Variants in PIGK observed in about 807,000 individuals in gnomAD.
PIGK encodes the protein GPI-anchor transamidase.
Under a neutral mutation model 50.6 loss-of-function variants are expected in PIGK, and 42 were observed. The ratio of observed to expected loss-of-function variants is 0.83; its 90% CI spans 0.65 to 1.07. The LOEUF (loss-of-function observed/expected upper bound fraction) is 1.07, where lower values mean the gene tolerates loss of function less well. PIGK is among the 50% of genes least tolerant of loss of function. The pLI, the probability that PIGK is intolerant of heterozygous loss-of-function variation, is 0.00. For missense variants in PIGK, 448 were observed against 488.7 expected, an observed-to-expected ratio of 0.92 and a Z score of 0.78; for synonymous variants, 151 against 156.0, an observed-to-expected ratio of 0.97 and a Z score of 0.24.
At position 77,089,845 on chromosome 1, in the gene PIGK, C is replaced by T. The variant is rs1653257572; in HGVS notation, c.*2529G>A. 6.6e-6 allele frequency: 1 copy of T among 152,534 alleles called. No homozygotes were observed. The highest frequency in any genetic ancestry group is 2.1e-4 in the South Asian group (1 of 4,828). 9.4% of individuals were successfully genotyped at this position (152,534 alleles called of 1,614,324 possible). A position where few individuals can be genotyped will look rare whatever the true frequency, so the allele number is the denominator to read the frequency against. On this transcript the variant is annotated 3_prime_UTR_variant, in exon 11 of 11. Transcript: ENST00000370812. ...TGATTTCTTTTTCTCACACAGGCTG[C>T]CTTTGCAGGATGGCATCATTATACC...
At chr1:77,149,129 A>G (rs1654837962) in intron 9 of PIGK, among the ~76,000 whole-genome samples, 1 of 152,240 alleles carries the variant, frequency 6.6e-6, no homozygotes, top group South Asian at 2.1e-4. Context: ...GAATTAAAAC[A>G]TACTACCAGG....
chr1:77,185,208 A>G (rs753386893), intron 3 of PIGK, among the ~76,000 whole-genome samples: 4 of 152,178 alleles, frequency 2.6e-5, no homozygotes, highest in Middle Eastern at 3.2e-3. Context: ...GGCCAGCAAT[A>G]TACCTTTACT....
At chr1:77,163,812 T>A in intron 6 of PIGK, 34 bp downstream of exon 6, 2 of 1,178,706 alleles carry the variant, frequency 1.7e-6, no homozygotes, top group Non-Finnish European at 2.5e-6. Context: ...TAGGTATGAA[T>A]ATAGCTTATG....
chr1:77,143,900 T>G (rs1350030678), intron 9 of PIGK, among the ~76,000 whole-genome samples: 1 of 152,102 alleles, frequency 6.6e-6, no homozygotes, highest in Non-Finnish European at 1.5e-5. Context: ...ATAAGTTCTC[T>G]CAATAATACT....
intron 3 of PIGK, chr1:77,195,024 G>C: frequency 1.3e-6 from 1 of 794,432 alleles, no homozygotes; most frequent in Non-Finnish European, 2.1e-6. Flanking sequence ...AGCTCCTGCA[G>C]AAGAATAACC....
chr1:77,187,544 A>C (rs1655778938), intron 3 of PIGK, among the ~76,000 whole-genome samples: 1 of 152,216 alleles, frequency 6.6e-6, no homozygotes, highest in Admixed American at 6.5e-5. Context: ...TCAACAGGCT[A>C]ATAAGGGAGT....
intron 3 of PIGK, among the ~76,000 whole-genome samples, chr1:77,188,466 C>T (rs1406011673): frequency 6.6e-6 from 1 of 152,190 alleles, no homozygotes; most frequent in Admixed American, 6.5e-5. Context: ...GATCTCAAAA[C>T]CCTGTCTCCT....
chr1:77,137,652 G>A (rs984815251), intron 9 of PIGK, among the ~76,000 whole-genome samples: 4 of 152,058 alleles, frequency 2.6e-5, no homozygotes, highest in Admixed American at 1.3e-4. Context: ...AGGCTGGAGT[G>A]CAATGGCACA....
chr1:77,187,916 G>T (rs1412481514), intron 3 of PIGK, among the ~76,000 whole-genome samples: 1 of 152,152 alleles, frequency 6.6e-6, no homozygotes, highest in Non-Finnish European at 1.5e-5. Flanking sequence ...TGTCTTTACT[G>T]CAATCTCTAA....
intron 10 of PIGK, among the ~76,000 whole-genome samples, 157 bp downstream of exon 10, chr1:77,122,118 G>A (rs547568619): frequency 6.7e-4 from 102 of 152,200 alleles, no homozygotes; most frequent in African/African-American, 2.3e-3. Context: ...GCTTTGAATG[G>A]GACTTTCAAC....
intron 3 of PIGK, among the ~76,000 whole-genome samples, chr1:77,182,881 C>T (rs1655652733): frequency 6.6e-6 from 1 of 152,112 alleles, no homozygotes; most frequent in African/African-American, 2.4e-5. Context: ...ATACATAATA[C>T]CTTTGACCAT....
intron 3 of PIGK, chr1:77,195,324 GACC>G (rs1342974387): frequency 1.2e-5 from 16 of 1,327,580 alleles, no homozygotes; most frequent in African/African-American, 2.9e-5. Flanking sequence ...TTCAGGGCAA[GACC>G]ACCAAGTTGA....
At chr1:77,162,952 C>T (rs551455606) in intron 6 of PIGK, among the ~76,000 whole-genome samples, 87 of 152,190 alleles carry the variant, frequency 5.7e-4, no homozygotes, top group African/African-American at 1.9e-3. Flanking sequence ...TGTAAAGTTC[C>T]ACAAGTTATT....
intron 3 of PIGK, among the ~76,000 whole-genome samples, chr1:77,196,869 G>A (rs1379284049): frequency 6.6e-6 from 1 of 152,026 alleles, no homozygotes. Context: ...TGCTTTTGAG[G>A]ACTTAGCCAT....
At chr1:77,173,022 G>A (rs568546240) in intron 3 of PIGK, among the ~76,000 whole-genome samples, 101 of 152,162 alleles carry the variant, frequency 6.6e-4, no homozygotes, top group South Asian at 3.5e-3. Flanking sequence ...GAAATCATTG[G>A]CTAAGTTAAT....
chr1:77,091,139 T>C lies in PIGK; in HGVS notation c.*1235A>G, dbSNP rs553253303. 3 of 152,296 alleles carry C rather than the reference T, an allele frequency of 2.0e-5. No individual in the cohort carries two copies. The highest frequency in any genetic ancestry group is 2.1e-4 in the South Asian group (1 of 4,828). The allele number at this position is 152,296 out of a possible 1,614,324, so 9.4% of individuals were successfully genotyped here. On this transcript the variant is annotated 3_prime_UTR_variant, in exon 11 of 11. Transcript: ENST00000370812. ...CACATAAATTCTTGCATAAAACAGA[T>C]AAGACACCTGAAGGTATCCCCCCAG...
rs552756748 is a variant in PIGK, at chr1:77,137,606, A to G, written c.987-15247T>C. Among the ~76,000 whole-genome samples, 5 of 150,526 alleles carry G rather than the reference A, an allele frequency of 3.3e-5. No homozygotes were observed. In the South Asian group the frequency reaches 8.4e-4, roughly 25 times the overall value. On this transcript the variant is annotated intron_variant, in intron 9 of 10. Transcript: ENST00000370812. ...TATTTTCCTCTTTTATTTGTATTTT[A>G]TTTTATTTTGAGACAGAGTCTTACT...
chr1:77,100,179 C>A (rs186499339), intron 10 of PIGK, among the ~76,000 whole-genome samples: 1 of 152,154 alleles, frequency 6.6e-6, no homozygotes, highest in African/African-American at 2.4e-5. Flanking sequence ...TATTGGGAAG[C>A]AAATGGAAAA....
At chr1:77,190,300 C>T (rs1439655391) in intron 3 of PIGK, among the ~76,000 whole-genome samples, 1 of 151,946 alleles carries the variant, frequency 6.6e-6, no homozygotes, top group Non-Finnish European at 1.5e-5. Flanking sequence ...ACTCAGGAGG[C>T]CGAGGCGGGA....
Sources: gnomAD v4.1 joint callset for allele counts (sites outside exome capture counted in the v4.1 genomes callset) on GRCh38, gnomAD v4.1.1 for gene constraint, MANE v1.5 for transcripts, NCBI Gene and HGNC (gene_info 2026-07-23, HGNC 2026-07-21) for gene names.